PPP1R1C: variants seen among roughly 807,000 people sequenced by gnomAD.
PPP1R1C encodes protein phosphatase 1 regulatory inhibitor subunit 1C, also known as protein phosphatase 1 regulatory subunit 1C.
PPP1R1C carries 15 observed loss-of-function variants against 17.4 expected under a neutral mutation model. The observed-to-expected ratio is 0.86, with a 90% CI of 0.58 to 1.33. The LOEUF (loss-of-function observed/expected upper bound fraction) is 1.33, where lower values mean the gene tolerates loss of function less well. PPP1R1C is among the 40% of genes most tolerant of loss of function. The pLI, the probability that PPP1R1C is intolerant of heterozygous loss-of-function variation, is 0.00. For missense variants in PPP1R1C, 143 were observed against 130.0 expected, an observed-to-expected ratio of 1.10 and a Z score of -0.48; for synonymous variants, 35 against 43.1, an observed-to-expected ratio of 0.81 and a Z score of 0.73.
chr2:182,088,763 A>G (rs564120457), intron 4 of PPP1R1C, among the ~76,000 whole-genome samples: 106 of 152,276 alleles, frequency 7.0e-4, no homozygotes, highest in African/African-American at 2.0e-3. Context: ...CCTTAGTCCT[A>G]TGTGTTTGGT....
chr2:182,055,895 TTTC>T (rs1687670402), intron 2 of PPP1R1C, among the ~76,000 whole-genome samples: 1 of 152,206 alleles, frequency 6.6e-6, no homozygotes, highest in Non-Finnish European at 1.5e-5. Flanking sequence ...GAATTTTCAT[TTTC>T]TTCTTATGTT....
intron 2 of PPP1R1C, among the ~76,000 whole-genome samples, chr2:182,026,596 T>A (rs1370047147): frequency 6.6e-6 from 1 of 151,970 alleles, no homozygotes; most frequent in Non-Finnish European, 1.5e-5. Context: ...AGTACCATGC[T>A]GTTTTGGTTA....
At chr2:182,116,357 T>A (rs553966346) in intron 4 of PPP1R1C, among the ~76,000 whole-genome samples, 18 of 152,238 alleles carry the variant, frequency 1.2e-4, no homozygotes, top group African/African-American at 3.9e-4. Flanking sequence ...ATAGATGTTC[T>A]AAGAGCAGGG....
At chr2:181,968,952 A>G (rs907403586) in intron 1 of PPP1R1C, among the ~76,000 whole-genome samples, 10 of 152,174 alleles carry the variant, frequency 6.6e-5, no homozygotes, top group African/African-American at 2.4e-4. Flanking sequence ...TAATGATTAC[A>G]AAAACAAACA....
intron 4 of PPP1R1C, among the ~76,000 whole-genome samples, chr2:182,065,439 C>T (rs1427922754): frequency 6.6e-6 from 1 of 151,874 alleles, no homozygotes; most frequent in Non-Finnish European, 1.5e-5. Context: ...CAAGAGGCTT[C>T]AATTATAAAA....
intron 2 of PPP1R1C, among the ~76,000 whole-genome samples, chr2:182,021,872 A>T (rs1686439166): frequency 6.6e-6 from 1 of 152,246 alleles, no homozygotes. Context: ...AACACTTTAG[A>T]CATTAGAGCT....
chr2:182,034,573 A>G (rs1409483587), intron 2 of PPP1R1C, among the ~76,000 whole-genome samples: 3 of 152,222 alleles, frequency 2.0e-5, no homozygotes, highest in Admixed American at 6.5e-5. Context: ...CTCCACAAAT[A>G]GACTATAAAC....
intron 2 of PPP1R1C, among the ~76,000 whole-genome samples, chr2:181,999,122 C>T (rs1685692424): frequency 6.6e-6 from 1 of 152,146 alleles, no homozygotes; most frequent in African/African-American, 2.4e-5. Flanking sequence ...CAAACACCAG[C>T]TGTACTTTTC....
intron 4 of PPP1R1C, among the ~76,000 whole-genome samples, chr2:182,097,211 G>A (rs1241884423): frequency 6.6e-6 from 1 of 152,118 alleles, no homozygotes; most frequent in Non-Finnish European, 1.5e-5. Flanking sequence ...TTCTGGAGGA[G>A]GTTTTTCATT....
intron 2 of PPP1R1C, among the ~76,000 whole-genome samples, chr2:182,036,379 T>A (rs4513255): frequency 6.6e-6 from 1 of 152,224 alleles, no homozygotes; most frequent in African/African-American, 2.4e-5. Context: ...ACAGTCCTGA[T>A]ACAAACTAAG....
At position 181,961,233 on chromosome 2, in the gene PPP1R1C, T is replaced by C. The variant is rs1169677869; in HGVS notation, n.111+6599T>C. On this transcript the variant is annotated intron_variant and non_coding_transcript_variant, in intron 1 of 5. Coordinates refer to the PPP1R1C transcript ENST00000464264. The surrounding 1 kb of genome is among the most constrained non-coding windows in gnomAD (Gnocchi z 5.8). ...TGTCTTAGAACTTTGGTGTCATTGG[T>C]CTCAGACACCACTTTGCGGCGGGTG... 2.3e-6 allele frequency: 2 copies of C among 876,754 alleles called. No individual in the cohort carries two copies. The highest frequency in any genetic ancestry group is 3.8e-6 in the Non-Finnish European group (2 of 527,940). The allele number at this position is 876,754 out of a possible 1,614,324, so 54.3% of individuals were successfully genotyped here. A position where few individuals can be genotyped will look rare whatever the true frequency, so the allele number is the denominator to read the frequency against.
rs151178600 is a variant in PPP1R1C at position 181,977,819 on chromosome 2, G to T, written n.157+2555G>T. Among the ~76,000 whole-genome samples, 779 of 152,240 alleles carry T rather than the reference G, an allele frequency of 5.1e-3. 7 individuals are homozygous for T. The highest frequency in any genetic ancestry group is 0.018 in the African/African-American group (743 of 41,530). On this transcript the variant is annotated intron_variant and non_coding_transcript_variant, in intron 2 of 5. Coordinates refer to the PPP1R1C transcript ENST00000464264. Reference sequence around the variant, plus strand: ...CTCACAACTGGAGCTGACTCACGTGGCTGGGGACTGGAATTACCCGGAGGC... The same window carrying T: ...CTCACAACTGGAGCTGACTCACGTGTCTGGGGACTGGAATTACCCGGAGGC...
At chr2:182,113,262 C>A (rs928335477) in intron 4 of PPP1R1C, among the ~76,000 whole-genome samples, 52 of 152,162 alleles carry the variant, frequency 3.4e-4, no homozygotes, top group African/African-American at 1.2e-3. Context: ...CAGCCATTGA[C>A]TCTATTTCTG....
At chr2:182,008,379 C>A (rs1685992599) in intron 2 of PPP1R1C, among the ~76,000 whole-genome samples, 1 of 152,030 alleles carries the variant, frequency 6.6e-6, no homozygotes, top group Non-Finnish European at 1.5e-5. Flanking sequence ...AAATGGACTT[C>A]TCTGATAAAT....
In PPP1R1C at chr2:182,047,554, A is replaced by C. The variant is rs1160383934; in HGVS notation, c.143-13888A>C. On this transcript the variant is annotated intron_variant, in intron 2 of 4. Coordinates refer to ENST00000682840, the MANE Select transcript of PPP1R1C (RefSeq NM_001080545.3). ...ATCCCCAAAGAAAACCCATCCATTA[A>C]GTGAACCAACTTATTTTTCTGGAGC... Among the ~76,000 whole-genome samples the C allele has an allele frequency of 5.3e-5, 8 of 152,328 alleles. No homozygotes were observed. The South Asian group carries it at 8.3e-4, about 16-fold the overall frequency.
At chr2:181,999,094 C>T (rs1685691512) in intron 2 of PPP1R1C, among the ~76,000 whole-genome samples, 1 of 152,110 alleles carries the variant, frequency 6.6e-6, no homozygotes, top group African/African-American at 2.4e-5. Flanking sequence ...CAGTACGCAG[C>T]CATCATTGGA....
chr2:182,006,054 C>T lies in PPP1R1C; in HGVS notation c.142+18155C>T, dbSNP rs149527066. ...AAAAAGAATATTCTTTTTTTCTTTC[C>T]TTAGCTGGAGATTCTGCCAATCTCA... On this transcript the variant is annotated intron_variant, in intron 2 of 4. Coordinates refer to ENST00000682840, the MANE Select transcript of PPP1R1C (RefSeq NM_001080545.3). Among the ~76,000 whole-genome samples, 34 of 151,956 alleles carry T rather than the reference C, an allele frequency of 2.2e-4. No individual in the cohort carries two copies. The East Asian group carries it at 6.6e-3, about 29-fold the overall frequency.
At chr2:182,079,163 G>T (rs183513912) in intron 4 of PPP1R1C, among the ~76,000 whole-genome samples, 3 of 152,268 alleles carry the variant, frequency 2.0e-5, no homozygotes. Flanking sequence ...CTGATGAAGA[G>T]GATTTAGATA....
chr2:182,120,481 A>C (rs1689707576), downstream of PPP1R1C, among the ~76,000 whole-genome samples: 1 of 152,212 alleles, frequency 6.6e-6, no homozygotes, highest in South Asian at 2.1e-4. Context: ...GGATATCACC[A>C]CCGATCCCCT....
Sources: allele counts gnomAD v4.1 joint callset (sites outside exome capture counted in the v4.1 genomes callset), GRCh38; gene constraint gnomAD v4.1.1; non-coding constraint Gnocchi (gnomAD v3.1); transcripts MANE v1.5; gene names NCBI Gene and HGNC (gene_info 2026-07-23, HGNC 2026-07-21).